PPP2CA: variants seen among roughly 807,000 people sequenced by gnomAD.
The protein encoded by PPP2CA is serine/threonine-protein phosphatase 2A catalytic subunit alpha isoform.
PPP2CA carries 5 observed loss-of-function variants against 38.8 expected under a neutral mutation model. That is an observed-to-expected ratio of 0.13 (90% CI 0.07 to 0.27). PPP2CA has a LOEUF of 0.27. Ranked by LOEUF, PPP2CA falls within the 10% of genes least tolerant of loss-of-function variation. PPP2CA has a pLI of 1.00. For missense variants in PPP2CA, 88 were observed against 389.7 expected (o/e 0.23, Z 6.52); for synonymous variants, 152 against 134.0 (o/e 1.13, Z -0.93).
At chr5:134,205,844 A>C in intron 2 of PPP2CA, 78 bp downstream of exon 2, 1 of 1,266,460 alleles carries the variant, frequency 7.9e-7, no homozygotes, top group Non-Finnish European at 1.1e-6. Context: ...CAGATAGAGA[A>C]AATAACTGGG....
At chr5:134,198,954 T>G in intron 6 of PPP2CA, 132 bp downstream of exon 6, 2 of 681,222 alleles carry the variant, frequency 2.9e-6, no homozygotes, top group South Asian at 3.6e-5. Flanking sequence ...GAGGCCAAGG[T>G]GAAAGGATCA....
chr5:134,197,694 T>A lies in PPP2CA; in HGVS notation c.*78A>T. ...GAATGTTAACTATTTTCTGACACTTTGGAGTTACTGTTGCTCTTCCCATTT... is the reference window on the plus strand; with the variant it reads ...GAATGTTAACTATTTTCTGACACTTAGGAGTTACTGTTGCTCTTCCCATTT... On this transcript the variant is annotated 3_prime_UTR_variant, in exon 7 of 7. Transcript: ENST00000481195. 1 of 1,151,256 alleles carries A rather than the reference T, an allele frequency of 8.7e-7. No homozygotes were observed. Among genetic ancestry groups the A allele is most frequent in the Non-Finnish European group, 1.3e-6 (1 of 769,586 alleles). 71.3% of individuals were successfully genotyped at this position (1,151,256 alleles called of 1,614,324 possible). A position where few individuals can be genotyped will look rare whatever the true frequency, so the allele number is the denominator to read the frequency against.
At chr5:134,197,883 C>A in intron 6 of PPP2CA, 39 bp from the exon 7 acceptor site, 6 of 1,541,976 alleles carry the variant, frequency 3.9e-6, no homozygotes, top group Non-Finnish European at 5.4e-6. Context: ...TGTTCCACGA[C>A]CTCCATGTAG....
chr5:134,205,791 C>G, intron 2 of PPP2CA, 131 bp downstream of exon 2: 2 of 760,626 alleles, frequency 2.6e-6, no homozygotes, highest in Non-Finnish European at 4.2e-6. Context: ...AGTCCAAAAC[C>G]TGAACATATG....
chr5:134,204,672 G>A (rs1274680808), intron 2 of PPP2CA, among the ~76,000 whole-genome samples: 1 of 151,954 alleles, frequency 6.6e-6, no homozygotes, highest in Non-Finnish European at 1.5e-5. Context: ...TGACTACGCT[G>A]TTCTTAAACT....
At chr5:134,208,771 T>G (rs1399647250) in intron 1 of PPP2CA, among the ~76,000 whole-genome samples, 3 of 152,240 alleles carry the variant, frequency 2.0e-5, no homozygotes, top group African/African-American at 7.2e-5. Context: ...TTACAAAGTT[T>G]ACACACATAC....
intron 1 of PPP2CA, chr5:134,224,275 G>C: frequency 1.1e-5 from 5 of 455,582 alleles, no homozygotes; most frequent in Non-Finnish European, 2.2e-5. Context: ...ACGTGAGAGG[G>C]TAAAGAAACA....
At chr5:134,202,814 A>T (rs1270485939) in intron 2 of PPP2CA, among the ~76,000 whole-genome samples, 3 of 152,258 alleles carry the variant, frequency 2.0e-5, no homozygotes, top group Non-Finnish European at 4.4e-5. Context: ...TGTTTTTCAA[A>T]GTAGCTAGAC....
At chr5:134,217,407 G>C (rs1479796860) in intron 1 of PPP2CA, among the ~76,000 whole-genome samples, 1 of 152,100 alleles carries the variant, frequency 6.6e-6, no homozygotes, top group Non-Finnish European at 1.5e-5. Flanking sequence ...TAAAGACATA[G>C]AAGAAACACT....
At chr5:134,224,888 G>A (rs1039099966) in intron 1 of PPP2CA, among the ~76,000 whole-genome samples, 4 of 152,202 alleles carry the variant, frequency 2.6e-5, no homozygotes, top group Admixed American at 6.5e-5. Flanking sequence ...ACTACTTGCA[G>A]CCACAAAATA....
chr5:134,215,937 C>A (rs1762311059), intron 1 of PPP2CA, among the ~76,000 whole-genome samples: 1 of 152,208 alleles, frequency 6.6e-6, no homozygotes, highest in Non-Finnish European at 1.5e-5. Context: ...TTATGCCATT[C>A]AACAGCAAGG....
chr5:134,219,791 A>G (rs1762398981), intron 1 of PPP2CA, among the ~76,000 whole-genome samples: 1 of 152,040 alleles, frequency 6.6e-6, no homozygotes, highest in South Asian at 2.1e-4. Context: ...CGGGCGGATC[A>G]CTTGAGGTCA....
chr5:134,201,806 G>C (rs749119357), intron 3 of PPP2CA, 42 bp downstream of exon 3: 1 of 1,589,020 alleles, frequency 6.3e-7, no homozygotes, highest in Non-Finnish European at 8.6e-7. Context: ...AAAGAAAGCA[G>C]ATTCTCTGAA....
At chr5:134,209,097 G>T (rs1330368067) in intron 1 of PPP2CA, among the ~76,000 whole-genome samples, 1 of 152,072 alleles carries the variant, frequency 6.6e-6, no homozygotes, top group African/African-American at 2.4e-5. Flanking sequence ...TTATCAAATT[G>T]TCCTTTAAAA....
chr5:134,215,617 G>A (rs1762300417), intron 1 of PPP2CA, among the ~76,000 whole-genome samples: 2 of 151,982 alleles, frequency 1.3e-5, no homozygotes, highest in Non-Finnish European at 1.5e-5. Flanking sequence ...TAAAAATTTT[G>A]TTGTAGAGAC....
intron 1 of PPP2CA, chr5:134,225,535 C>A: frequency 4.1e-6 from 2 of 484,138 alleles, no homozygotes; most frequent in South Asian, 5.2e-5. Flanking sequence ...GCCCAGGAGT[C>A]GAGTGAACGG....
intron 1 of PPP2CA, among the ~76,000 whole-genome samples, chr5:134,206,390 A>C (rs1762083943): frequency 6.6e-6 from 1 of 152,270 alleles, no homozygotes; most frequent in African/African-American, 2.4e-5. Context: ...CCATCTAATT[A>C]AATACTAATT....
chr5:134,220,527 G>C (rs376476539), intron 1 of PPP2CA, among the ~76,000 whole-genome samples: 1 of 143,072 alleles, frequency 7.0e-6, no homozygotes, highest in Non-Finnish European at 1.5e-5. Context: ...ATCCAATTCA[G>C]ATCTGCCTGT....
At chr5:134,201,623 G>A (rs1270503869) in intron 3 of PPP2CA, among the ~76,000 whole-genome samples, 1 of 152,184 alleles carries the variant, frequency 6.6e-6, no homozygotes, top group African/African-American at 2.4e-5. Context: ...ACCCACCCCT[G>A]TGATCCCACC....
Sources: allele counts gnomAD v4.1 joint callset (sites outside exome capture counted in the v4.1 genomes callset), GRCh38; gene constraint gnomAD v4.1.1; transcripts MANE v1.5; gene names NCBI Gene and HGNC (gene_info 2026-07-23, HGNC 2026-07-21).